MSI2: variants seen among roughly 807,000 people sequenced by gnomAD.
MSI2 encodes RNA-binding protein Musashi homolog 2.
A neutral mutation model predicts 45.6 loss-of-function variants in MSI2; 17 were observed. The observed-to-expected ratio is 0.37, with a 90% CI of 0.26 to 0.56. MSI2 has a LOEUF of 0.56. MSI2 is among the 20% of genes least tolerant of loss of function. MSI2 has a pLI of 0.77. For synonymous variants in MSI2, 156 were observed against 158.2 expected (o/e 0.99, Z 0.11); for missense variants, 293 against 444.2 (o/e 0.66, Z 3.06).
chr17:57,340,414 G>C (rs528261007), intron 5 of MSI2, among the ~76,000 whole-genome samples: 1 of 152,302 alleles, frequency 6.6e-6, no homozygotes, highest in East Asian at 1.9e-4. Flanking sequence ...AGGGCTCTTT[G>C]GAGGCTGAAA....
intron 5 of MSI2, among the ~76,000 whole-genome samples, chr17:57,366,464 G>A (rs1018576288): frequency 1.2e-4 from 18 of 152,292 alleles, no homozygotes; most frequent in African/African-American, 2.4e-4. Context: ...TTTCCACCCC[G>A]TGAAGGAAAG....
At chr17:57,497,323 G>A (rs2086000622) in intron 6 of MSI2, among the ~76,000 whole-genome samples, 1 of 152,178 alleles carries the variant, frequency 6.6e-6, no homozygotes, top group African/African-American at 2.4e-5. Context: ...CTTGTTTTCT[G>A]AGAGGTCATT....
At chr17:57,431,148 T>G (rs2084586992) in intron 6 of MSI2, among the ~76,000 whole-genome samples, 1 of 152,176 alleles carries the variant, frequency 6.6e-6, no homozygotes, top group Non-Finnish European at 1.5e-5. Context: ...TTTGAAGAAT[T>G]TATCCCTCCA....
At chr17:57,454,384 G>A (rs1567833411) in intron 6 of MSI2, among the ~76,000 whole-genome samples, 1 of 151,388 alleles carries the variant, frequency 6.6e-6, no homozygotes, top group Admixed American at 6.6e-5. Context: ...CTGAAGGTAT[G>A]TCTGTCCTCC....
chr17:57,590,158 C>G (rs1344120930), intron 7 of MSI2, among the ~76,000 whole-genome samples: 1 of 152,118 alleles, frequency 6.6e-6, no homozygotes, highest in East Asian at 1.9e-4. Context: ...CTCCATTAAC[C>G]AAGTATGTTA....
chr17:57,442,870 A>C (rs2084826087), intron 6 of MSI2, among the ~76,000 whole-genome samples: 1 of 152,226 alleles, frequency 6.6e-6, no homozygotes, highest in Middle Eastern at 3.2e-3. Context: ...GGAGAGCCTG[A>C]GAATGCTTAC....
chr17:57,631,703 G>A lies in MSI2; in HGVS notation c.727+4400G>A. ...TTGAATTATTATGGGTTGTGATCAG[G>A]GATCTCCCCTGCTTCCTCTCTTTTC... On this transcript the variant is annotated intron_variant, in intron 10 of 13. Transcript: ENST00000284073. The A allele has an allele frequency of 2.7e-6, 3 of 1,121,000 alleles. No individual in the cohort carries two copies. The East Asian group carries it at 7.5e-5, about 28-fold the overall frequency. The allele number at this position is 1,121,000 out of a possible 1,614,324, so 69.4% of individuals were successfully genotyped here.
chr17:57,690,952 G>A, the MSI2 span, among the ~76,000 whole-genome samples: 2 of 152,074 alleles, frequency 1.3e-5, no homozygotes, highest in African/African-American at 4.8e-5. Flanking sequence ...CTAAGTCTGT[G>A]GTCCATTTTG....
chr17:57,563,114 A>AC (rs1422926151), intron 7 of MSI2, among the ~76,000 whole-genome samples: 7 of 151,372 alleles, frequency 4.6e-5, no homozygotes, highest in South Asian at 2.1e-4. Flanking sequence ...AAAAAAAAAA[A>AC]AAAAAAACAG....
intron 7 of MSI2, among the ~76,000 whole-genome samples, chr17:57,566,269 G>A (rs1847233890): frequency 6.6e-6 from 1 of 152,206 alleles, no homozygotes; most frequent in Admixed American, 6.5e-5. Context: ...GAGGCTTAAT[G>A]TAAGTTAATT....
At chr17:57,445,039 A>G (rs575146537) in intron 6 of MSI2, among the ~76,000 whole-genome samples, 8 of 152,292 alleles carry the variant, frequency 5.3e-5, no homozygotes, top group African/African-American at 1.9e-4. Flanking sequence ...AGAGTAGCTG[A>G]TATCTGGGCG....
At chr17:57,618,204 G>A (rs1052255666) in intron 9 of MSI2, 1 of 151,506 alleles carries the variant, frequency 6.6e-6, no homozygotes, top group Non-Finnish European at 1.5e-5. Context: ...TGCAGATTTG[G>A]TGTCCCCACT....
chr17:57,306,562 G>A (rs1911920884), intron 5 of MSI2, among the ~76,000 whole-genome samples: 1 of 152,190 alleles, frequency 6.6e-6, no homozygotes. Flanking sequence ...ATTCAAGGGT[G>A]TGACACTGTC....
intron 6 of MSI2, among the ~76,000 whole-genome samples, chr17:57,417,014 G>A (rs776991174): frequency 6.6e-5 from 10 of 152,120 alleles, no homozygotes; most frequent in Admixed American, 2.0e-4. Flanking sequence ...AAGCAGAATC[G>A]CAGTGTGGTA....
intron 6 of MSI2, among the ~76,000 whole-genome samples, chr17:57,509,147 A>C (rs571430708): frequency 6.6e-6 from 1 of 152,332 alleles, no homozygotes; most frequent in East Asian, 1.9e-4. Flanking sequence ...TGGGAGACGA[A>C]TTGGAAGTGC....
chr17:57,412,915 T>G (rs1424412019), intron 6 of MSI2, among the ~76,000 whole-genome samples: 1 of 152,230 alleles, frequency 6.6e-6, no homozygotes, highest in African/African-American at 2.4e-5. Flanking sequence ...CTCACTTTCT[T>G]TATCTGTAAA....
At position 57,309,730 on chromosome 17, in the gene MSI2, AGGAGTCGTT is replaced by A. The variant is rs1912216801; in HGVS notation, c.312+47541_312+47549del. Reference sequence around the variant, plus strand: ...CAGTTTCCTGAGATCCTGCTCAGGAAGGAGTCGTTGGGGAAGAGGAGGCAGAGAGGGCCC... The same window carrying A: ...CAGTTTCCTGAGATCCTGCTCAGGAAGGGGAAGAGGAGGCAGAGAGGGCCC... On this transcript the variant is annotated intron_variant, in intron 5 of 13. Coordinates refer to ENST00000284073, the MANE Select transcript of MSI2 (RefSeq NM_138962.4). Among the ~76,000 whole-genome samples, 16 of 152,158 alleles carry A rather than the reference AGGAGTCGTT, an allele frequency of 1.1e-4. 1 individual carries two copies. In the South Asian group the frequency reaches 3.3e-3, roughly 32 times the overall value.
intron 6 of MSI2, among the ~76,000 whole-genome samples, chr17:57,482,421 A>C (rs1047591072): frequency 1.3e-5 from 2 of 152,194 alleles, no homozygotes; most frequent in Non-Finnish European, 2.9e-5. Flanking sequence ...TTACTTTTGT[A>C]GTCCTTCTCT....
At chr17:57,437,079 A>G (rs990195302) in intron 6 of MSI2, among the ~76,000 whole-genome samples, 3 of 152,064 alleles carry the variant, frequency 2.0e-5, no homozygotes, top group African/African-American at 7.2e-5. Flanking sequence ...CAGCAGAAAT[A>G]TTTTCCATCT....
Sources: gnomAD v4.1 joint callset for allele counts (sites outside exome capture counted in the v4.1 genomes callset) on GRCh38, gnomAD v4.1.1 for gene constraint, MANE v1.5 for transcripts, NCBI Gene and HGNC (gene_info 2026-07-23, HGNC 2026-07-21) for gene names.